Variants in DAB1 observed in about 807,000 individuals in gnomAD.
DAB1 encodes the protein DAB adaptor protein 1.
DAB1 carries 15 observed loss-of-function variants against 64.6 expected under a neutral mutation model. That is an observed-to-expected ratio of 0.23 (90% CI 0.16 to 0.36). The LOEUF (loss-of-function observed/expected upper bound fraction) is 0.36, where lower values mean the gene tolerates loss of function less well. DAB1 is among the 10% of genes least tolerant of loss of function. The pLI, the probability that DAB1 is intolerant of heterozygous loss-of-function variation, is 1.00. For synonymous variants in DAB1, 235 were observed against 251.9 expected (o/e 0.93, Z 0.64); for missense variants, 596 against 706.7 (o/e 0.84, Z 1.78).
At chr1:57,849,226 A>T in intron 1 of DAB1, among the ~76,000 whole-genome samples, 1 of 152,320 alleles carries the variant, frequency 6.6e-6, no homozygotes, top group African/African-American at 2.4e-5. Flanking sequence ...GGGCCAGAGT[A>T]GCACTGAGTC....
At chr1:57,457,058 A>G (rs1348309831) in intron 7 of DAB1, among the ~76,000 whole-genome samples, 1 of 152,186 alleles carries the variant, frequency 6.6e-6, no homozygotes, top group African/African-American at 2.4e-5. Context: ...CCATTTTCAC[A>G]AATGAAATTA....
At chr1:57,361,222 A>C (rs1029612611) in intron 1 of DAB1, among the ~76,000 whole-genome samples, 1 of 152,170 alleles carries the variant, frequency 6.6e-6, no homozygotes, top group African/African-American at 2.4e-5. Context: ...CAAATACATG[A>C]ATGTACTCAG....
At chr1:57,415,164 A>C (rs1383199729) in intron 1 of DAB1, among the ~76,000 whole-genome samples, 1 of 152,074 alleles carries the variant, frequency 6.6e-6, no homozygotes. Flanking sequence ...TGGCTAAAAC[A>C]TATGCTTAGA....
intron 5 of DAB1, chr1:58,078,162 T>C (rs1649769729): frequency 6.6e-6 from 1 of 152,250 alleles, no homozygotes; most frequent in Non-Finnish European, 1.5e-5. Context: ...GCATCTTATC[T>C]GCTCCTTTCA....
At chr1:57,416,276 A>G (rs911650401) in intron 1 of DAB1, among the ~76,000 whole-genome samples, 18 of 152,212 alleles carry the variant, frequency 1.2e-4, no homozygotes, top group African/African-American at 3.4e-4. Flanking sequence ...GCATATATCA[A>G]AAGAGATGCT....
chr1:57,429,007 G>T (rs1322479211), upstream of DAB1, among the ~76,000 whole-genome samples: 1 of 151,514 alleles, frequency 6.6e-6, no homozygotes, highest in Non-Finnish European at 1.5e-5. Flanking sequence ...CAAAGTCCTG[G>T]ATTCAAGGGA....
At chr1:57,447,872 T>C (rs1021570000) in intron 7 of DAB1, among the ~76,000 whole-genome samples, 8 of 152,306 alleles carry the variant, frequency 5.3e-5, no homozygotes, top group African/African-American at 7.2e-5. Context: ...AGATTTGGTC[T>C]ACATTTTAGG....
intron 7 of DAB1, among the ~76,000 whole-genome samples, chr1:57,617,921 A>G (rs1383665615): frequency 6.6e-6 from 1 of 152,188 alleles, no homozygotes. Flanking sequence ...CCACACTTAC[A>G]TAACTTCTCA....
intron 4 of DAB1, among the ~76,000 whole-genome samples, chr1:57,073,562 T>C (rs1651707393): frequency 6.6e-6 from 1 of 152,154 alleles, no homozygotes; most frequent in Admixed American, 6.5e-5. Context: ...TGGGTGCTTA[T>C]GGTATGTTTA....
chr1:57,529,352 C>A (rs568209155), intron 7 of DAB1, among the ~76,000 whole-genome samples: 2 of 152,020 alleles, frequency 1.3e-5, no homozygotes, highest in African/African-American at 4.8e-5. Context: ...AAAACAAATA[C>A]CAAGATGAAA....
At chr1:58,147,479 G>A (rs769846645) in intron 5 of DAB1, among the ~76,000 whole-genome samples, 13 of 151,498 alleles carry the variant, frequency 8.6e-5, no homozygotes, top group East Asian at 2.0e-4. Context: ...TTAGCCAGGC[G>A]TGGTGGCAGA....
chr1:57,078,264 G>A (rs762301802), intron 4 of DAB1, among the ~76,000 whole-genome samples: 4 of 152,064 alleles, frequency 2.6e-5, no homozygotes, highest in Admixed American at 1.3e-4. Context: ...GTAGTCTCTC[G>A]CTGAAGAGGT....
upstream of DAB1, among the ~76,000 whole-genome samples, chr1:57,428,841 CAAA>C (rs55678877): frequency 1.1e-4 from 8 of 69,612 alleles, no homozygotes; most frequent in African/African-American, 3.3e-4. Context: ...TTGTCTTTTA[CAAA>C]AAAAAAAAAA....
chr1:57,502,842 T>C (rs1257037585), intron 7 of DAB1, among the ~76,000 whole-genome samples: 3 of 152,196 alleles, frequency 2.0e-5, no homozygotes, highest in African/African-American at 2.4e-5. Flanking sequence ...CCTTAAAAGA[T>C]AGCTGAGAGA....
chr1:57,812,528 AG>A (rs1405210465), intron 6 of DAB1, among the ~76,000 whole-genome samples: 1 of 152,096 alleles, frequency 6.6e-6, no homozygotes, highest in East Asian at 1.9e-4. Context: ...AATGTTAGCA[AG>A]GGAACAGACC....
chr1:57,213,986 A>T lies in DAB1; in HGVS notation c.68-68557T>A, dbSNP rs117622371. On this transcript the variant is annotated intron_variant, in intron 2 of 14. Transcript: ENST00000371236. ...TAGTAGTCAGGGAAGCAGGTATACCAAAAGGTAATTGCAATGCAGTGGGAT... is the reference window on the plus strand; with the variant it reads ...TAGTAGTCAGGGAAGCAGGTATACCTAAAGGTAATTGCAATGCAGTGGGAT... 8.5e-5 allele frequency among the ~76,000 whole-genome samples: 13 copies of T among 152,334 alleles called. No homozygotes were observed. The East Asian group carries it at 2.5e-3, about 29-fold the overall frequency.
intron 7 of DAB1, among the ~76,000 whole-genome samples, chr1:57,591,845 C>T (rs576470953): frequency 1.3e-5 from 2 of 152,164 alleles, no homozygotes; most frequent in Non-Finnish European, 1.5e-5. Flanking sequence ...TAGAGCAAAA[C>T]CTCCAATGAG....
intron 4 of DAB1, among the ~76,000 whole-genome samples, chr1:58,202,571 G>A (rs1049559455): frequency 2.0e-5 from 3 of 152,168 alleles, no homozygotes; most frequent in African/African-American, 7.2e-5. Flanking sequence ...TAAAAAATAA[G>A]AATTCTATTA....
At chr1:58,123,579 C>G (rs946387858) in intron 5 of DAB1, among the ~76,000 whole-genome samples, 1 of 152,136 alleles carries the variant, frequency 6.6e-6, no homozygotes, top group African/African-American at 2.4e-5. Context: ...CGTAATTTAC[C>G]TTCTATAGAA....
Sources: gnomAD v4.1 joint callset for allele counts (sites outside exome capture counted in the v4.1 genomes callset) on GRCh38, gnomAD v4.1.1 for gene constraint, MANE v1.5 for transcripts, NCBI Gene and HGNC (gene_info 2026-07-23, HGNC 2026-07-21) for gene names.